The following SLC39A11 variants were observed in gnomAD, a reference collection of about 807,000 sequenced individuals.
SLC39A11 encodes solute carrier family 39 member 11.
SLC39A11 carries 33 observed loss-of-function variants against 36.1 expected under a neutral mutation model. The ratio of observed to expected loss-of-function variants is 0.91; its 90% CI spans 0.69 to 1.22. The LOEUF (loss-of-function observed/expected upper bound fraction) is 1.22, where lower values mean the gene tolerates loss of function less well. Ranked by LOEUF, SLC39A11 falls within the 50% of genes most tolerant of loss-of-function variation. The pLI is 0.00. For missense variants in SLC39A11, 432 were observed against 430.3 expected (o/e 1.00, Z -0.03); for synonymous variants, 166 against 170.3 (o/e 0.97, Z 0.20).
intron 6 of SLC39A11, among the ~76,000 whole-genome samples, chr17:72,843,031 C>T (rs1025124812): frequency 6.6e-6 from 1 of 152,170 alleles, no homozygotes; most frequent in African/African-American, 2.4e-5. Flanking sequence ...CTCACTGCAA[C>T]CTCTGCCTCC....
intron 7 of SLC39A11, among the ~76,000 whole-genome samples, chr17:72,668,151 A>G (rs941918690): frequency 6.6e-6 from 1 of 152,314 alleles, no homozygotes; most frequent in Admixed American, 6.5e-5. Flanking sequence ...AAAGATTTCT[A>G]TAAATATTAA....
chr17:72,838,821 CTG>C (rs1199090333), intron 6 of SLC39A11, among the ~76,000 whole-genome samples: 1 of 152,158 alleles, frequency 6.6e-6, no homozygotes, highest in African/African-American at 2.4e-5. Flanking sequence ...ACGTCTGTCA[CTG>C]TGAATTGGCT....
chr17:73,061,694 A>G (rs1358653856), intron 3 of SLC39A11, among the ~76,000 whole-genome samples: 4 of 152,174 alleles, frequency 2.6e-5, no homozygotes, highest in Non-Finnish European at 5.9e-5. Flanking sequence ...TAAAGCTTCC[A>G]TTATTAAAAG....
chr17:72,786,201 A>G (rs957562102), intron 6 of SLC39A11, among the ~76,000 whole-genome samples: 3 of 152,230 alleles, frequency 2.0e-5, no homozygotes, highest in Non-Finnish European at 4.4e-5. Context: ...TGATGGAAAC[A>G]TCACCCTTCC....
chr17:73,084,893 G>A (rs537214861), intron 2 of SLC39A11, 47 bp from the exon 3 acceptor site: 2 of 1,595,130 alleles, frequency 1.3e-6, no homozygotes, highest in African/African-American at 2.7e-5. Flanking sequence ...ACAATAAGAT[G>A]ATGTTTCCTG....
chr17:72,668,355 C>G (rs1304128410), intron 7 of SLC39A11, among the ~76,000 whole-genome samples: 1 of 151,816 alleles, frequency 6.6e-6, no homozygotes, highest in Non-Finnish European at 1.5e-5. Flanking sequence ...TTAACTGGCT[C>G]TGACGGATGC....
chr17:72,703,090 T>A (rs2072727597), intron 7 of SLC39A11, among the ~76,000 whole-genome samples: 1 of 152,140 alleles, frequency 6.6e-6, no homozygotes, highest in South Asian at 2.1e-4. Flanking sequence ...AGCTGTCGGT[T>A]GGCAGGTCTT....
chr17:72,865,083 T>G (rs1162620465), intron 5 of SLC39A11, among the ~76,000 whole-genome samples: 1 of 152,160 alleles, frequency 6.6e-6, no homozygotes, highest in Non-Finnish European at 1.5e-5. Flanking sequence ...ATGTTTTAAA[T>G]GCAGGTACAA....
At chr17:72,939,630 C>T (rs1333845835) in intron 5 of SLC39A11, among the ~76,000 whole-genome samples, 6 of 152,006 alleles carry the variant, frequency 3.9e-5, no homozygotes, top group African/African-American at 1.2e-4. Context: ...CACACAGGGA[C>T]GAAGGTCACA....
At chr17:72,786,881 G>A (rs1225932273) in intron 6 of SLC39A11, among the ~76,000 whole-genome samples, 3 of 152,126 alleles carry the variant, frequency 2.0e-5, no homozygotes, top group Non-Finnish European at 2.9e-5. Context: ...GTGCAATGGC[G>A]CAATCTTGGC....
In SLC39A11 at chr17:72,830,341, C is replaced by T. The variant is rs948274555; in HGVS notation, c.601+19293G>A. Among the ~76,000 whole-genome samples the T allele has an allele frequency of 4.8e-4, 66 of 138,520 alleles. 1 individual carries two copies. Among genetic ancestry groups the T allele is most frequent in the Middle Eastern group, 8.2e-3 (2 of 244 alleles). 90.9% of individuals were successfully genotyped at this position (138,520 alleles called of 152,430 possible). On this transcript the variant is annotated intron_variant, in intron 6 of 9. Coordinates refer to ENST00000255559, the MANE Select transcript of SLC39A11 (RefSeq NM_139177.4). ...AAGATGACTGTGTATTTTTTTTTTTCCTAAATCAGGAACACCAGAATTAAG... is the reference window on the plus strand; with the variant it reads ...AAGATGACTGTGTATTTTTTTTTTTTCTAAATCAGGAACACCAGAATTAAG...
chr17:73,033,073 G>A (rs1452952844), intron 3 of SLC39A11, among the ~76,000 whole-genome samples: 3 of 152,186 alleles, frequency 2.0e-5, no homozygotes, highest in Admixed American at 2.0e-4. Context: ...TCGGGCATTA[G>A]AGTCTCATAA....
At chr17:73,055,889 G>A (rs1367738880) in intron 3 of SLC39A11, among the ~76,000 whole-genome samples, 1 of 152,166 alleles carries the variant, frequency 6.6e-6, no homozygotes, top group African/African-American at 2.4e-5. Flanking sequence ...GTCCATAAAT[G>A]TCCCCTGACC....
At chr17:73,065,340 G>C (rs996959225) in intron 3 of SLC39A11, among the ~76,000 whole-genome samples, 4 of 152,222 alleles carry the variant, frequency 2.6e-5, no homozygotes, top group Non-Finnish European at 5.9e-5. Flanking sequence ...GGGAGGCAGA[G>C]GTTGCAGTGA....
At chr17:72,649,947 T>C (rs943800726) in intron 7 of SLC39A11, among the ~76,000 whole-genome samples, 2 of 152,226 alleles carry the variant, frequency 1.3e-5, no homozygotes, top group Non-Finnish European at 2.9e-5. Context: ...CCATAAAGGA[T>C]TGCTGAGTGA....
At chr17:72,916,513 C>T (rs1002330829) in intron 5 of SLC39A11, among the ~76,000 whole-genome samples, 11 of 152,204 alleles carry the variant, frequency 7.2e-5, no homozygotes, top group African/African-American at 2.2e-4. Flanking sequence ...GTTACCATGG[C>T]AGCAGCTGGG....
At chr17:72,948,964 C>G (rs1276163613) in intron 4 of SLC39A11, among the ~76,000 whole-genome samples, 1 of 152,024 alleles carries the variant, frequency 6.6e-6, no homozygotes, top group East Asian at 1.9e-4. Flanking sequence ...ACAGGAACAA[C>G]AAGGCAGAGG....
chr17:72,886,728 C>A (rs146317673), intron 5 of SLC39A11, among the ~76,000 whole-genome samples: 6 of 152,284 alleles, frequency 3.9e-5, no homozygotes, highest in Non-Finnish European at 2.9e-5. Flanking sequence ...TGCTAGTGGT[C>A]CCTGCCCGCT....
chr17:72,853,974 C>T (rs2079504996), intron 5 of SLC39A11, among the ~76,000 whole-genome samples: 1 of 152,000 alleles, frequency 6.6e-6, no homozygotes, highest in Non-Finnish European at 1.5e-5. Context: ...GGTTTGGGCA[C>T]TTTTGAAGTG....
Sources: allele counts gnomAD v4.1 joint callset (sites outside exome capture counted in the v4.1 genomes callset), GRCh38; gene constraint gnomAD v4.1.1; transcripts MANE v1.5; gene names NCBI Gene and HGNC (gene_info 2026-07-23, HGNC 2026-07-21).